CCNY: variants seen among roughly 807,000 people sequenced by gnomAD.
CCNY encodes cyclin-Y.
A neutral mutation model predicts 42.8 loss-of-function variants in CCNY; 19 were observed. The observed-to-expected ratio is 0.44, with a 90% CI of 0.31 to 0.65. The LOEUF (loss-of-function observed/expected upper bound fraction) is 0.65. CCNY is among the 30% of genes least tolerant of loss of function. The pLI is 0.07. For missense variants in CCNY, 370 were observed against 437.3 expected (o/e 0.85, Z 1.37); for synonymous variants, 165 against 162.7 (o/e 1.01, Z -0.11).
chr10:35,456,082 A>G (rs1256607263), intron 1 of CCNY, among the ~76,000 whole-genome samples: 1 of 152,002 alleles, frequency 6.6e-6, no homozygotes, highest in African/African-American at 2.4e-5. Flanking sequence ...GTTTTTCCCC[A>G]TGTCTTAATG....
intron 3 of CCNY, among the ~76,000 whole-genome samples, chr10:35,260,893 T>A (rs1376045882): frequency 1.3e-5 from 2 of 152,122 alleles, no homozygotes; most frequent in African/African-American, 4.8e-5. Flanking sequence ...GGAAGATTGC[T>A]CAAAGCCAGA....
At chr10:35,275,615 T>C (rs999683361) in intron 3 of CCNY, among the ~76,000 whole-genome samples, 5 of 151,964 alleles carry the variant, frequency 3.3e-5, no homozygotes, top group South Asian at 4.2e-4. Context: ...TACAAAAAAT[T>C]AGCTGGGCAT....
chr10:35,284,020 GC>G (rs1835326086), intron 3 of CCNY, among the ~76,000 whole-genome samples: 1 of 152,104 alleles, frequency 6.6e-6, no homozygotes, highest in Non-Finnish European at 1.5e-5. Context: ...GGAGATGGGG[GC>G]TGCAGTGAAC....
chr10:35,405,666 C>T (rs1356389329), intron 1 of CCNY, among the ~76,000 whole-genome samples: 2 of 152,008 alleles, frequency 1.3e-5, no homozygotes, highest in Non-Finnish European at 2.9e-5. Context: ...GAGTGAGTAG[C>T]CTCCATAATG....
intron 1 of CCNY, among the ~76,000 whole-genome samples, chr10:35,357,430 C>A (rs1384729579): frequency 6.6e-6 from 1 of 152,210 alleles, no homozygotes; most frequent in Non-Finnish European, 1.5e-5. Context: ...GTGCTGCATT[C>A]ATTTAACACA....
At chr10:35,439,282 A>G (rs541357920) in intron 1 of CCNY, among the ~76,000 whole-genome samples, 32 of 152,096 alleles carry the variant, frequency 2.1e-4, no homozygotes. Context: ...CTGTGGCTCT[A>G]TTATTAGCTT....
intron 7 of CCNY, among the ~76,000 whole-genome samples, chr10:35,545,446 T>C (rs1239873707): frequency 2.0e-5 from 3 of 152,216 alleles, no homozygotes; most frequent in African/African-American, 7.2e-5. Flanking sequence ...TCTGACGTAT[T>C]ACAATGTGTG....
chr10:35,558,953 G>A (rs560228396), intron 8 of CCNY, among the ~76,000 whole-genome samples: 1 of 152,352 alleles, frequency 6.6e-6, no homozygotes, highest in East Asian at 1.9e-4. Flanking sequence ...AAATGTGGAA[G>A]TGGCTTTGAA....
chr10:35,276,389 T>C (rs1219461069), intron 3 of CCNY, among the ~76,000 whole-genome samples: 1 of 152,116 alleles, frequency 6.6e-6, no homozygotes, highest in Non-Finnish European at 1.5e-5. Flanking sequence ...TTTTATTTAT[T>C]TATTCTTATT....
intron 1 of CCNY, among the ~76,000 whole-genome samples, chr10:35,411,525 A>AAAG: frequency 6.6e-6 from 1 of 151,854 alleles, no homozygotes; most frequent in East Asian, 1.9e-4. Flanking sequence ...AAAAAAAAAA[A>AAAG]AAAAAAAAAA....
Position 35,464,610 on chromosome 10 carries a change from T to C in CCNY, c.155-18794T>C, listed in dbSNP as rs369355260. On this transcript the variant is annotated intron_variant, in intron 1 of 9. Transcript: ENST00000374704. ...CCCTTGTGTCTTTGGTGTACTTTGC[T>C]TCTTATGCCCTTCGCCTGCTCCCTT... 1.9e-3 allele frequency among the ~76,000 whole-genome samples: 284 copies of C among 152,170 alleles called. 1 individual carries two copies. The highest frequency in any genetic ancestry group is 6.5e-3 in the African/African-American group (268 of 41,496).
chr10:35,492,179 C>T (rs1160914761), intron 2 of CCNY, among the ~76,000 whole-genome samples: 2 of 152,220 alleles, frequency 1.3e-5, no homozygotes, highest in Non-Finnish European at 2.9e-5. Context: ...CCTGCCTGAC[C>T]GTCTGTCTCC....
intron 3 of CCNY, among the ~76,000 whole-genome samples, chr10:35,273,713 G>A (rs1308566127): frequency 6.6e-6 from 1 of 152,110 alleles, no homozygotes; most frequent in African/African-American, 2.4e-5. Flanking sequence ...CAACTCTCGC[G>A]AACCACTTGT....
intron 1 of CCNY, among the ~76,000 whole-genome samples, chr10:35,398,833 CATTTG>C (rs1344130513): frequency 6.6e-6 from 1 of 152,152 alleles, no homozygotes; most frequent in East Asian, 1.9e-4. Context: ...AACCAGACCA[CATTTG>C]TGAGGGTAAG....
chr10:35,343,766 A>G (rs1836238860), intron 1 of CCNY, among the ~76,000 whole-genome samples: 1 of 152,188 alleles, frequency 6.6e-6, no homozygotes, highest in South Asian at 2.1e-4. Context: ...AGCAAGGGGC[A>G]GAACCAAAAA....
At chr10:35,458,278 C>G (rs191900635) in intron 1 of CCNY, among the ~76,000 whole-genome samples, 2 of 152,308 alleles carry the variant, frequency 1.3e-5, no homozygotes, top group East Asian at 3.9e-4. Flanking sequence ...ATGACTTGGC[C>G]CTTTCCCTCT....
At chr10:35,499,709 T>G (rs1840073783) in intron 2 of CCNY, among the ~76,000 whole-genome samples, 1 of 152,084 alleles carries the variant, frequency 6.6e-6, no homozygotes, top group Non-Finnish European at 1.5e-5. Context: ...TTGGGAGACT[T>G]GTGTCTCTTT....
At chr10:35,434,394 C>T (rs1219128436) in intron 1 of CCNY, among the ~76,000 whole-genome samples, 1 of 152,176 alleles carries the variant, frequency 6.6e-6, no homozygotes, top group Admixed American at 6.5e-5. Flanking sequence ...TGTGGAGTGG[C>T]GCATCCTCAG....
intron 1 of CCNY, among the ~76,000 whole-genome samples, chr10:35,355,913 T>C (rs1450027266): frequency 7.0e-6 from 1 of 143,316 alleles, no homozygotes; most frequent in Non-Finnish European, 1.5e-5. Context: ...TCTTAGATTG[T>C]TTTTTTTTTT....
Sources: allele counts gnomAD v4.1 joint callset (sites outside exome capture counted in the v4.1 genomes callset), GRCh38; gene constraint gnomAD v4.1.1; transcripts MANE v1.5; gene names NCBI Gene and HGNC (gene_info 2026-07-23, HGNC 2026-07-21).